The following RFX7 variants were observed in gnomAD, a reference collection of about 807,000 sequenced individuals.
RFX7 encodes the protein regulatory factor X7.
A neutral mutation model predicts 111.8 loss-of-function variants in RFX7; 26 were observed. That is an observed-to-expected ratio of 0.23 (90% CI 0.17 to 0.32). The LOEUF is 0.32. Ranked by LOEUF, RFX7 falls within the 10% of genes least tolerant of loss-of-function variation. The probability of loss-of-function intolerance (pLI) is 1.00; values close to 1 mark genes in which losing one functional copy is unlikely to be tolerated. For missense variants in RFX7, 1,573 were observed against 1,772.9 expected, an observed-to-expected ratio of 0.89 and a Z score of 2.02; for synonymous variants, 624 against 624.4, an observed-to-expected ratio of 1.00 and a Z score of 0.01.
At chr15:56,108,165 C>T (rs775904286) in intron 5 of RFX7, among the ~76,000 whole-genome samples, 1 of 152,148 alleles carries the variant, frequency 6.6e-6, no homozygotes, top group South Asian at 2.1e-4. Context: ...GAAACTATCC[C>T]AAATAATTGA....
At chr15:56,147,699 G>A (rs573188721) in intron 3 of RFX7, among the ~76,000 whole-genome samples, 3 of 151,832 alleles carry the variant, frequency 2.0e-5, no homozygotes, top group South Asian at 2.1e-4. Flanking sequence ...TCAGCCTTCC[G>A]AGCAGCTGGG....
In RFX7 at chr15:56,093,404, A is replaced by G; in HGVS notation, c.4324T>C (p.Ser1442Pro). ...ICSESMNSMT[S>P]SGFEWIESKD... ...CTTTCTATCCATTCAAAACCTGATG[A>G]AGTCATAGAATTCATGGATTCACTG... is the stretch of plus-strand genomic sequence containing the variant. Residue 1442 changes from serine to proline, a missense_variant, in exon 10 of 10, where the codon TCA becomes CCA. By Grantham distance (74) the Ser-to-Pro change is moderately conservative. Transcript: ENST00000559447. 1.2e-6 allele frequency: 2 copies of G among 1,613,656 alleles called. No homozygotes were observed. The highest frequency in any genetic ancestry group is 8.5e-7 in the Non-Finnish European group (1 of 1,179,712).
chr15:56,155,472 G>T (rs529999424), intron 3 of RFX7, among the ~76,000 whole-genome samples: 3 of 152,172 alleles, frequency 2.0e-5, no homozygotes, highest in Non-Finnish European at 4.4e-5. Context: ...CAGGGACATG[G>T]ATGAAGCTGG....
chr15:56,236,482 A>C (rs1409029881), intron 2 of RFX7, among the ~76,000 whole-genome samples: 1 of 152,198 alleles, frequency 6.6e-6, no homozygotes, highest in African/African-American at 2.4e-5. Flanking sequence ...AAACAGAAAG[A>C]GAATGGTAGA....
intron 2 of RFX7, among the ~76,000 whole-genome samples, chr15:56,238,902 C>T (rs1212543938): frequency 2.6e-5 from 4 of 152,106 alleles, no homozygotes; most frequent in Non-Finnish European, 4.4e-5. Flanking sequence ...GGCATGATCT[C>T]GGCTCACTGC....
At chr15:56,129,048 T>C (rs1454331089) in intron 5 of RFX7, among the ~76,000 whole-genome samples, 1 of 152,126 alleles carries the variant, frequency 6.6e-6, no homozygotes, top group African/African-American at 2.4e-5. Flanking sequence ...ATACCCCATG[T>C]TCATGGATCA....
intron 5 of RFX7, among the ~76,000 whole-genome samples, chr15:56,135,386 T>C (rs1323196026): frequency 6.6e-6 from 1 of 152,250 alleles, no homozygotes; most frequent in African/African-American, 2.4e-5. Context: ...CATTTCTTCA[T>C]GTGTTTTTTG....
intron 3 of RFX7, among the ~76,000 whole-genome samples, chr15:56,156,102 T>C (rs2042649311): frequency 6.6e-6 from 1 of 152,060 alleles, no homozygotes; most frequent in Admixed American, 6.5e-5. Flanking sequence ...CTCAGGAAAG[T>C]ATGCAGCTTA....
intron 5 of RFX7, among the ~76,000 whole-genome samples, chr15:56,111,855 C>T (rs1267187482): frequency 6.6e-6 from 1 of 152,010 alleles, no homozygotes. Flanking sequence ...AGTGGCTCAT[C>T]CCTGTAGTCC....
intron 2 of RFX7, among the ~76,000 whole-genome samples, chr15:56,211,228 GT>G (rs1233356314): frequency 6.6e-6 from 1 of 152,054 alleles, no homozygotes; most frequent in Non-Finnish European, 1.5e-5. Context: ...ATCCTCTACA[GT>G]CCTTTTCAGA....
In RFX7 at chr15:56,095,376, T is replaced by C. The variant is rs186814591; in HGVS notation, c.2352A>G (p.Gln784=). Residue 784 remains glutamine, a synonymous_variant, in exon 10 of 10, where the codon CAA becomes CAG. Coordinates refer to ENST00000559447, the MANE Select transcript of RFX7 (RefSeq NM_022841.7). The stretch of plus-strand genomic sequence containing the variant: ...ATATAAACTCAGAATCTTTAGTGAT[T>C]TGTTGCCATCCATTTGGATTAAAGC... The part of the protein sequence containing the change: ...VGSFNPNGWQ[Q]ITKDSEFISA... 622 of 1,613,832 alleles carry C rather than the reference T, an allele frequency of 3.9e-4. 1 individual carries two copies. Among genetic ancestry groups the C allele is most frequent in the Admixed American group, 7.3e-4 (44 of 60,030 alleles).
chr15:56,187,058 G>A (rs141664583), intron 2 of RFX7, among the ~76,000 whole-genome samples: 118 of 152,066 alleles, frequency 7.8e-4, no homozygotes, highest in Middle Eastern at 3.4e-3. Flanking sequence ...TTCAGATAAC[G>A]ACAAGTTAAC....
At chr15:56,243,051 C>G in intron 2 of RFX7, 74 bp downstream of exon 2, 1 of 685,090 alleles carries the variant, frequency 1.5e-6, no homozygotes, top group South Asian at 1.5e-5. Flanking sequence ...CTCCCCCCGC[C>G]CGCCGCCCCC....
chr15:56,141,653 CTAAATATA>C (rs1475576831), intron 5 of RFX7, among the ~76,000 whole-genome samples: 2 of 38,494 alleles, frequency 5.2e-5, no homozygotes, highest in African/African-American at 5.1e-4. Context: ...TATGCTTACT[CTAAATATA>C]TATATATATA....
chr15:56,216,101 G>A (rs2043360811), intron 2 of RFX7, among the ~76,000 whole-genome samples: 1 of 152,074 alleles, frequency 6.6e-6, no homozygotes, highest in African/African-American at 2.4e-5. Context: ...TGCATGATTA[G>A]GTCCAGCCCA....
chr15:56,215,852 A>G (rs2043358422), intron 2 of RFX7, among the ~76,000 whole-genome samples: 2 of 152,176 alleles, frequency 1.3e-5, no homozygotes, highest in Non-Finnish European at 2.9e-5. Context: ...GTCTATCCCG[A>G]GGTTTCAGTC....
At chr15:56,188,821 C>A (rs1374975664) in intron 2 of RFX7, among the ~76,000 whole-genome samples, 3 of 152,070 alleles carry the variant, frequency 2.0e-5, no homozygotes, top group African/African-American at 7.2e-5. Context: ...GTTACAGAAG[C>A]AATAAACATT....
chr15:56,135,886 T>C, intron 5 of RFX7, among the ~76,000 whole-genome samples: 1 of 152,200 alleles, frequency 6.6e-6, no homozygotes, highest in East Asian at 1.9e-4. Flanking sequence ...CTTTCCCCAT[T>C]GCTTGTTTTT....
chr15:56,191,073 T>A (rs1234119239), intron 2 of RFX7, among the ~76,000 whole-genome samples: 4 of 152,354 alleles, frequency 2.6e-5, no homozygotes, highest in African/African-American at 9.6e-5. Flanking sequence ...GCTGGACTTT[T>A]CACCATCAGT....
Sources: allele counts gnomAD v4.1 joint callset (sites outside exome capture counted in the v4.1 genomes callset), GRCh38; gene constraint gnomAD v4.1.1; transcripts MANE v1.5; gene names NCBI Gene and HGNC (gene_info 2026-07-23, HGNC 2026-07-21).